The following SEMA5A variants were observed in gnomAD, a reference collection of about 807,000 sequenced individuals.
SEMA5A encodes semaphorin-5A.
SEMA5A carries 55 observed loss-of-function variants against 135.5 expected under a neutral mutation model. The observed-to-expected ratio is 0.41, with a 90% CI of 0.33 to 0.51. The LOEUF is 0.51. SEMA5A is among the 20% of genes least tolerant of loss of function. The probability of loss-of-function intolerance (pLI) is 0.37; values close to 1 mark genes in which losing one functional copy is unlikely to be tolerated. For missense variants in SEMA5A, 1,290 were observed against 1,419.9 expected (o/e 0.91, Z 1.47); for synonymous variants, 580 against 546.5 (o/e 1.06, Z -0.85).
chr5:9,342,855 G>C (rs1262840090), intron 3 of SEMA5A, among the ~76,000 whole-genome samples: 1 of 152,136 alleles, frequency 6.6e-6, no homozygotes, highest in Non-Finnish European at 1.5e-5. Flanking sequence ...TCAATAGCTG[G>C]TAAGATACAA....
At chr5:9,439,381 T>C (rs1187918098) in intron 1 of SEMA5A, among the ~76,000 whole-genome samples, 1 of 152,222 alleles carries the variant, frequency 6.6e-6, no homozygotes, top group Non-Finnish European at 1.5e-5. Context: ...CTAAAATCTA[T>C]TTTACAACAA....
At chr5:9,093,621 C>G (rs187320471) in intron 16 of SEMA5A, among the ~76,000 whole-genome samples, 1 of 151,770 alleles carries the variant, frequency 6.6e-6, no homozygotes, top group Non-Finnish European at 1.5e-5. Context: ...GCAGGAGAAT[C>G]GGTTGAGCTC....
At chr5:9,502,884 A>G (rs1369346371) in intron 1 of SEMA5A, among the ~76,000 whole-genome samples, 1 of 152,236 alleles carries the variant, frequency 6.6e-6, no homozygotes, top group African/African-American at 2.4e-5. Context: ...GAAAAGTGTC[A>G]GGGGTCAACA....
chr5:9,096,376 GTTTTA>G (rs1398887184), intron 16 of SEMA5A, among the ~76,000 whole-genome samples: 2 of 152,110 alleles, frequency 1.3e-5, no homozygotes, highest in Admixed American at 1.3e-4. Context: ...AACAACCACT[GTTTTA>G]TTTTCTCTCT....
chr5:9,522,508 C>T (rs189004820), intron 1 of SEMA5A, among the ~76,000 whole-genome samples: 6 of 152,084 alleles, frequency 3.9e-5, no homozygotes, highest in East Asian at 1.9e-4. Flanking sequence ...GCTTAGGAGG[C>T]AGAGGTTGTG....
chr5:9,169,897 G>A (rs895632208), intron 11 of SEMA5A, among the ~76,000 whole-genome samples: 1 of 152,112 alleles, frequency 6.6e-6, no homozygotes, highest in African/African-American at 2.4e-5. Flanking sequence ...AACTTATTTG[G>A]GTCATATTCT....
intron 11 of SEMA5A, among the ~76,000 whole-genome samples, chr5:9,171,031 C>T (rs977360621): frequency 2.0e-5 from 3 of 152,118 alleles, no homozygotes; most frequent in East Asian, 1.9e-4. Flanking sequence ...CCTCTGCTAT[C>T]CTCCTGAAAG....
At chr5:9,412,146 T>C (rs1185961870) in intron 2 of SEMA5A, among the ~76,000 whole-genome samples, 2 of 152,172 alleles carry the variant, frequency 1.3e-5, no homozygotes, top group Non-Finnish European at 1.5e-5. Flanking sequence ...GCTAAATCCA[T>C]GCAAAGTGTT....
intron 1 of SEMA5A, among the ~76,000 whole-genome samples, chr5:9,460,080 G>C (rs1758999070): frequency 6.6e-6 from 1 of 152,178 alleles, no homozygotes; most frequent in Non-Finnish European, 1.5e-5. Flanking sequence ...ACAATGATTA[G>C]ACAGTGCCAC....
intron 13 of SEMA5A, among the ~76,000 whole-genome samples, chr5:9,130,586 C>T (rs1579447991): frequency 6.6e-6 from 1 of 152,158 alleles, no homozygotes; most frequent in African/African-American, 2.4e-5. Flanking sequence ...AAAATGGAAG[C>T]AAAAATATCC....
At chr5:9,326,971 C>G (rs1311254776) in intron 4 of SEMA5A, among the ~76,000 whole-genome samples, 2 of 152,182 alleles carry the variant, frequency 1.3e-5, no homozygotes, top group Admixed American at 1.3e-4. Flanking sequence ...ATTGTGATTT[C>G]CAAGACTTTT....
In SEMA5A at chr5:9,037,396, A is replaced by T. The variant is rs1479164925; in HGVS notation, c.*5501T>A. ...TGTGCCAGGCTCTGAATTGGTTTTG[A>T]TAATGCCCTATGTCGCTTGCAATGT... On this transcript the variant is annotated 3_prime_UTR_variant, in exon 23 of 23. Coordinates refer to ENST00000382496, the MANE Select transcript of SEMA5A (RefSeq NM_003966.3). 6.6e-6 allele frequency: 1 copy of T among 152,194 alleles called. No individual in the cohort carries two copies. The highest frequency in any genetic ancestry group is 6.5e-5 in the Admixed American group (1 of 15,276). 9.4% of individuals were successfully genotyped at this position (152,194 alleles called of 1,614,324 possible).
At chr5:9,067,861 T>C (rs1209089564) in intron 16 of SEMA5A, among the ~76,000 whole-genome samples, 3 of 152,228 alleles carry the variant, frequency 2.0e-5, no homozygotes, top group African/African-American at 7.2e-5. Context: ...CTTCATCTTT[T>C]GCTTTAGTTT....
At chr5:9,412,311 T>C (rs1188382867) in intron 2 of SEMA5A, among the ~76,000 whole-genome samples, 3 of 151,870 alleles carry the variant, frequency 2.0e-5, no homozygotes, top group Non-Finnish European at 4.4e-5. Context: ...AAATTAATTG[T>C]ATAAAAACAA....
At chr5:9,235,517 A>G (rs1044853238) in intron 6 of SEMA5A, among the ~76,000 whole-genome samples, 3 of 152,170 alleles carry the variant, frequency 2.0e-5, no homozygotes, top group African/African-American at 7.2e-5. Context: ...ATGTTCATTC[A>G]GTCATTCAGT....
chr5:9,312,678 C>T (rs1752197262), intron 5 of SEMA5A, among the ~76,000 whole-genome samples: 1 of 152,266 alleles, frequency 6.6e-6, no homozygotes, highest in Middle Eastern at 3.4e-3. Flanking sequence ...AATTCCTGCT[C>T]AAATCTTCAC....
At chr5:9,505,701 G>T (rs1735844535) in intron 1 of SEMA5A, among the ~76,000 whole-genome samples, 1 of 152,306 alleles carries the variant, frequency 6.6e-6, no homozygotes, top group African/African-American at 2.4e-5. Flanking sequence ...AAACACCTCT[G>T]CTGGCAGCTT....
chr5:9,325,588 G>A (rs1752834848), intron 4 of SEMA5A, among the ~76,000 whole-genome samples: 1 of 150,756 alleles, frequency 6.6e-6, no homozygotes, highest in African/African-American at 2.4e-5. Flanking sequence ...AGGGAGCAGT[G>A]GGGACCTTAA....
intron 2 of SEMA5A, chr5:9,422,576 T>G (rs939551013): frequency 1.3e-5 from 2 of 152,222 alleles, no homozygotes; most frequent in Admixed American, 1.3e-4. Context: ...CGGAATGCAG[T>G]CGACCGAGAA....
Sources: gnomAD v4.1 joint callset for allele counts (sites outside exome capture counted in the v4.1 genomes callset) on GRCh38, gnomAD v4.1.1 for gene constraint, MANE v1.5 for transcripts, NCBI Gene and HGNC (gene_info 2026-07-23, HGNC 2026-07-21) for gene names.